The following TAFA1 variants were observed in gnomAD, a reference collection of about 807,000 sequenced individuals.
TAFA1 encodes the protein chemokine-like protein TAFA-1.
Under a neutral mutation model 18.5 loss-of-function variants are expected in TAFA1, and 4 were observed. That is an observed-to-expected ratio of 0.22 (90% CI 0.11 to 0.49). The LOEUF (loss-of-function observed/expected upper bound fraction) is 0.49, where lower values mean the gene tolerates loss of function less well. Ranked by LOEUF, TAFA1 falls within the 20% of genes least tolerant of loss-of-function variation. The pLI, the probability that TAFA1 is intolerant of heterozygous loss-of-function variation, is 0.98. For synonymous variants in TAFA1, 56 were observed against 55.2 expected (o/e 1.01, Z -0.06); for missense variants, 147 against 169.0 (o/e 0.87, Z 0.72).
chr3:68,093,566 G>A (rs978977043), intron 2 of TAFA1, among the ~76,000 whole-genome samples: 6 of 151,674 alleles, frequency 4.0e-5, no homozygotes, highest in African/African-American at 1.2e-4. Context: ...GTGGGATCTC[G>A]GGAGGTAGGT....
chr3:68,514,403 G>A (rs1023101487), intron 3 of TAFA1, among the ~76,000 whole-genome samples: 3 of 152,150 alleles, frequency 2.0e-5, no homozygotes, highest in Admixed American at 6.6e-5. Flanking sequence ...AAATATATAT[G>A]TGTAGAGAGC....
At chr3:68,107,243 A>G (rs2065214197) in intron 2 of TAFA1, among the ~76,000 whole-genome samples, 1 of 152,120 alleles carries the variant, frequency 6.6e-6, no homozygotes, top group Non-Finnish European at 1.5e-5. Context: ...GGAAGAGTCA[A>G]CTATTAAATG....
At chr3:68,410,704 G>A (rs199858570) in intron 2 of TAFA1, among the ~76,000 whole-genome samples, 3 of 1,374 alleles carry the variant, frequency 2.2e-3, no homozygotes, top group Admixed American at 0.02. Context: ...TTTTCCATAA[G>A]CAAAAAAAAA....
At chr3:68,095,860 A>G (rs2065081619) in intron 2 of TAFA1, among the ~76,000 whole-genome samples, 1 of 152,106 alleles carries the variant, frequency 6.6e-6, no homozygotes, top group African/African-American at 2.4e-5. Context: ...TATTGGGTAC[A>G]CATAATATTT....
chr3:68,340,214 T>A (rs1265976306), intron 2 of TAFA1, among the ~76,000 whole-genome samples: 1 of 152,204 alleles, frequency 6.6e-6, no homozygotes, highest in Non-Finnish European at 1.5e-5. Context: ...CAGCCTATCA[T>A]TTGTTACCTG....
chr3:68,410,262 T>C (rs77831338), intron 2 of TAFA1, among the ~76,000 whole-genome samples: 3,843 of 152,246 alleles, frequency 0.025, 76 homozygotes, highest in East Asian at 0.094. Context: ...ATGGAGTTTT[T>C]TTTTGCAGGG....
intron 2 of TAFA1, among the ~76,000 whole-genome samples, chr3:68,063,412 T>C (rs771714263): frequency 1.3e-4 from 20 of 152,326 alleles, no homozygotes; most frequent in Non-Finnish European, 2.2e-4. Context: ...ACCATAATTA[T>C]ACATATGTTT....
chr3:68,170,832 C>T (rs2066043344), intron 2 of TAFA1, among the ~76,000 whole-genome samples: 1 of 151,854 alleles, frequency 6.6e-6, no homozygotes, highest in Non-Finnish European at 1.5e-5. Flanking sequence ...GACATAGAGA[C>T]TTCTATGGAT....
chr3:68,281,927 T>C (rs1458784096), intron 2 of TAFA1, among the ~76,000 whole-genome samples: 1 of 152,176 alleles, frequency 6.6e-6, no homozygotes, highest in African/African-American at 2.4e-5. Context: ...AAGACTTACC[T>C]GAGACTGGGT....
intron 1 of TAFA1, 198 bp from the exon 2 acceptor site, chr3:68,006,426 A>C: frequency 1.9e-6 from 1 of 531,390 alleles, no homozygotes; most frequent in Non-Finnish European, 3.4e-6. Context: ...AATTAAGAAA[A>C]AAATGAATGT....
chr3:68,390,574 G>T (rs912853393), intron 2 of TAFA1, among the ~76,000 whole-genome samples: 1 of 152,232 alleles, frequency 6.6e-6, no homozygotes, highest in African/African-American at 2.4e-5. Flanking sequence ...ACACCTCCCA[G>T]CAGGGGTTGA....
intron 2 of TAFA1, among the ~76,000 whole-genome samples, chr3:68,010,869 A>C (rs1704457035): frequency 6.6e-6 from 1 of 152,168 alleles, no homozygotes. Flanking sequence ...TTCATTATAA[A>C]GCTATAGACA....
chr3:68,262,193 A>C (rs1211646527), intron 2 of TAFA1, among the ~76,000 whole-genome samples: 1 of 149,320 alleles, frequency 6.7e-6, no homozygotes, highest in South Asian at 2.1e-4. Context: ...CTCAGTTTGT[A>C]TTCTTGCTTT....
intron 2 of TAFA1, among the ~76,000 whole-genome samples, chr3:68,179,938 C>G (rs1265193378): frequency 3.3e-5 from 5 of 151,536 alleles, no homozygotes; most frequent in Non-Finnish European, 7.4e-5. Flanking sequence ...TGCTTAAACT[C>G]TATGAACAAA....
chr3:68,394,280 C>A (rs1393798025), intron 2 of TAFA1, among the ~76,000 whole-genome samples: 1 of 152,010 alleles, frequency 6.6e-6, no homozygotes, highest in Non-Finnish European at 1.5e-5. Flanking sequence ...AACTACAAAC[C>A]ACTGCTCAAG....
chr3:68,010,316 T>C (rs887187615), intron 2 of TAFA1, among the ~76,000 whole-genome samples: 1 of 152,132 alleles, frequency 6.6e-6, no homozygotes, highest in African/African-American at 2.4e-5. Context: ...AATTTCAGTC[T>C]CTCAAGAAAT....
At chr3:68,226,639 G>A (rs1036013981) in intron 2 of TAFA1, among the ~76,000 whole-genome samples, 3 of 152,126 alleles carry the variant, frequency 2.0e-5, no homozygotes. Context: ...TGTTCATTGT[G>A]TAACACATTT....
At chr3:68,042,903 T>G (rs1001951767) in intron 2 of TAFA1, among the ~76,000 whole-genome samples, 4 of 152,168 alleles carry the variant, frequency 2.6e-5, no homozygotes, top group Non-Finnish European at 5.9e-5. Context: ...GTTTTGTTTT[T>G]TTGAGACGGG....
intron 2 of TAFA1, among the ~76,000 whole-genome samples, chr3:68,089,813 T>C (rs73834824): frequency 0.056 from 8,528 of 152,258 alleles, 407 homozygotes; most frequent in African/African-American, 0.13. Flanking sequence ...GGGCTAGGTC[T>C]TGTTAGGAAT....
Sources: gnomAD v4.1 joint callset for allele counts (sites outside exome capture counted in the v4.1 genomes callset) on GRCh38, gnomAD v4.1.1 for gene constraint, MANE v1.5 for transcripts, NCBI Gene and HGNC (gene_info 2026-07-23, HGNC 2026-07-21) for gene names.